Variants in GALNT17 observed in about 807,000 individuals in gnomAD.
GALNT17 encodes the protein polypeptide N-acetylgalactosaminyltransferase 17.
GALNT17 carries 29 observed loss-of-function variants against 63.7 expected under a neutral mutation model. The ratio of observed to expected loss-of-function variants is 0.46; its 90% confidence interval spans 0.34 to 0.62. The LOEUF (loss-of-function observed/expected upper bound fraction) is 0.62, where lower values mean the gene tolerates loss of function less well. Ranked by LOEUF, GALNT17 falls within the 20% of genes least tolerant of loss-of-function variation. The pLI, the probability that GALNT17 is intolerant of heterozygous loss-of-function variation, is 0.01. For synonymous variants in GALNT17, 305 were observed against 318.3 expected, an observed-to-expected ratio of 0.96 and a Z score of 0.45; for missense variants, 603 against 799.6, an observed-to-expected ratio of 0.75 and a Z score of 2.97.
intron 2 of GALNT17, among the ~76,000 whole-genome samples, chr7:71,386,544 G>A (rs1792948192): frequency 6.6e-6 from 1 of 152,128 alleles, no homozygotes; most frequent in African/African-American, 2.4e-5. Flanking sequence ...CGGACTCTCG[G>A]TGCACCTGTG....
intron 1 of GALNT17, among the ~76,000 whole-genome samples, chr7:71,327,480 C>T (rs1177899700): frequency 1.3e-5 from 2 of 152,034 alleles, no homozygotes; most frequent in Non-Finnish European, 2.9e-5. Context: ...CCACTGGGTC[C>T]CTCCCACAAC....
At chr7:71,387,046 C>A (rs1432468346) in intron 2 of GALNT17, among the ~76,000 whole-genome samples, 1 of 151,560 alleles carries the variant, frequency 6.6e-6, no homozygotes, top group African/African-American at 2.4e-5. Context: ...AGGGGAGTGG[C>A]GAGTAAGACT....
chr7:71,374,047 G>A (rs1393647324), intron 2 of GALNT17, among the ~76,000 whole-genome samples: 2 of 152,150 alleles, frequency 1.3e-5, no homozygotes, highest in Non-Finnish European at 1.5e-5. Flanking sequence ...ATTTACAAAG[G>A]TAACATTTAT....
chr7:71,223,705 C>CCCACCCT (rs1353570337), intron 1 of GALNT17, among the ~76,000 whole-genome samples: 7 of 152,116 alleles, frequency 4.6e-5, no homozygotes, highest in African/African-American at 1.7e-4. Context: ...TCTCCTTCCT[C>CCCACCCT]CCACCCTCCA....
chr7:71,209,599 G>GA (rs1241368090), intron 1 of GALNT17, among the ~76,000 whole-genome samples: 17 of 152,080 alleles, frequency 1.1e-4, no homozygotes, highest in African/African-American at 3.9e-4. Context: ...AGGCTCAAGC[G>GA]ATTCTCCCAC....
Position 71,132,687 on chromosome 7 carries a change from G to T in GALNT17, c.-116G>T. On this transcript the variant is annotated 5_prime_UTR_variant, in exon 1 of 11. Coordinates refer to ENST00000333538, the MANE Select transcript of GALNT17 (RefSeq NM_022479.3). ...CATCCTTGAGGTGGGACGAGCAGGGGCTTGGATCCCTGCCGGCCGTCTGGT... is the reference window on the plus strand; with the variant it reads ...CATCCTTGAGGTGGGACGAGCAGGGTCTTGGATCCCTGCCGGCCGTCTGGT... 6.0e-6 allele frequency: 5 copies of T among 835,322 alleles called. No homozygotes were observed. Among genetic ancestry groups the T allele is most frequent in the Non-Finnish European group, 7.3e-6 (4 of 548,212 alleles). 51.7% of individuals were successfully genotyped at this position (835,322 alleles called of 1,614,324 possible). A position where few individuals can be genotyped will look rare whatever the true frequency, so the allele number is the denominator to read the frequency against.
chr7:71,694,422 A>G (rs1344545694), intron 9 of GALNT17, among the ~76,000 whole-genome samples: 1 of 149,792 alleles, frequency 6.7e-6, no homozygotes, highest in Non-Finnish European at 1.5e-5. Flanking sequence ...CAGTTGCACA[A>G]TCTCGGCTCA....
At chr7:71,185,527 T>C (rs868305140) in intron 1 of GALNT17, among the ~76,000 whole-genome samples, 22 of 147,456 alleles carry the variant, frequency 1.5e-4, no homozygotes, top group African/African-American at 3.7e-4. Flanking sequence ...CTTTTCTTTT[T>C]TTTTTTTTTT....
intron 8 of GALNT17, among the ~76,000 whole-genome samples, chr7:71,676,899 G>T (rs557139232): frequency 3.9e-5 from 6 of 152,112 alleles, no homozygotes; most frequent in Non-Finnish European, 7.4e-5. Flanking sequence ...GTCTAAGATC[G>T]GGGTAACCAG....
At chr7:71,647,966 A>G (rs1270037772) in intron 6 of GALNT17, among the ~76,000 whole-genome samples, 1 of 152,186 alleles carries the variant, frequency 6.6e-6, no homozygotes, top group Non-Finnish European at 1.5e-5. Flanking sequence ...CAGAATGTGG[A>G]CAGAGGGACA....
rs576770688 is a variant in GALNT17, at chr7:71,694,675, C to T, written c.1501-16086C>T. On this transcript the variant is annotated intron_variant, in intron 9 of 10. Transcript: ENST00000333538. The stretch of plus-strand genomic sequence containing the variant: ...CCTCCTAAAGTGCTGGGATTACAGG[C>T]GTGAGCCACGGTGCCCAGCCATTAT... 2.6e-5 allele frequency among the ~76,000 whole-genome samples: 4 copies of T among 152,288 alleles called. No homozygotes were observed. In the East Asian group the frequency reaches 7.7e-4, roughly 29 times the overall value.
chr7:71,310,951 T>C (rs533351605), intron 1 of GALNT17, among the ~76,000 whole-genome samples: 164 of 152,304 alleles, frequency 1.1e-3, no homozygotes, highest in Admixed American at 1.8e-3. Flanking sequence ...GTCCAGTAAA[T>C]CCTGCTTTGC....
At chr7:71,222,223 C>A (rs2116423182) in intron 1 of GALNT17, among the ~76,000 whole-genome samples, 1 of 151,630 alleles carries the variant, frequency 6.6e-6, no homozygotes, top group Non-Finnish European at 1.5e-5. Context: ...TAGATTTTAC[C>A]AGATTTCCCA....
intron 3 of GALNT17, among the ~76,000 whole-genome samples, chr7:71,396,107 T>G (rs1212175992): frequency 6.6e-6 from 1 of 152,172 alleles, no homozygotes; most frequent in Non-Finnish European, 1.5e-5. Context: ...GCACAAAAGT[T>G]TTTAATTTTG....
At chr7:71,175,268 A>G (rs577267884) in intron 1 of GALNT17, among the ~76,000 whole-genome samples, 61 of 151,936 alleles carry the variant, frequency 4.0e-4, no homozygotes, top group African/African-American at 1.4e-3. Context: ...CCATCAGTCT[A>G]TCTGTCTATC....
chr7:71,531,477 CTAG>C lies in GALNT17; in HGVS notation c.963-39799_963-39797del, dbSNP rs1388634152. On this transcript the variant is annotated intron_variant, in intron 5 of 10. Transcript: ENST00000333538. ...TAATTCAGCAGCAGCTGCACACATACTAGTAGTAGTAACAATAGTGAAAACTTG... is the reference window on the plus strand; with the variant it reads ...TAATTCAGCAGCAGCTGCACACATACTAGTAGTAACAATAGTGAAAACTTG... Among the ~76,000 whole-genome samples the C allele has an allele frequency of 2.0e-5, 3 of 152,196 alleles. No homozygotes were observed. In the East Asian group the frequency reaches 5.8e-4, roughly 29 times the overall value.
intron 1 of GALNT17, among the ~76,000 whole-genome samples, chr7:71,201,409 T>G (rs1391965451): frequency 6.6e-6 from 1 of 151,950 alleles, no homozygotes. Context: ...TGTTTATCTT[T>G]GCTCTGATTC....
Position 71,523,744 on chromosome 7 carries a change from AAAATAAATAAATAAAT to A in GALNT17, c.963-47514_963-47499del, listed in dbSNP as rs55683413. Among the ~76,000 whole-genome samples, 1,153 of 137,610 alleles carry A rather than the reference AAAATAAATAAATAAAT, an allele frequency of 8.4e-3. 12 individuals are homozygous for A. Among genetic ancestry groups the A allele is most frequent in the African/African-American group, 0.023 (841 of 37,358 alleles). The allele number at this position is 137,610 out of a possible 152,430, so 90.3% of individuals were successfully genotyped here. A position where few individuals can be genotyped will look rare whatever the true frequency, so the allele number is the denominator to read the frequency against. On this transcript the variant is annotated intron_variant, in intron 5 of 10. Transcript: ENST00000333538. ...GCAACAGAGCAAGACCCTGTCTCAA[AAAATAAATAAATAAAT>A]AAATAAATAAATAAATAAATAAATA...
At chr7:71,419,200 T>TG (rs1786614329) in intron 4 of GALNT17, among the ~76,000 whole-genome samples, 1 of 152,222 alleles carries the variant, frequency 6.6e-6, no homozygotes, top group African/African-American at 2.4e-5. Context: ...TGGACTTGCA[T>TG]GGGGTTCATC....
Sources: gnomAD v4.1 joint callset for allele counts (sites outside exome capture counted in the v4.1 genomes callset) on GRCh38, gnomAD v4.1.1 for gene constraint, MANE v1.5 for transcripts, NCBI Gene and HGNC (gene_info 2026-07-23, HGNC 2026-07-21) for gene names.